The following SACM1L variants were observed in gnomAD, a reference collection of about 807,000 sequenced individuals.
SACM1L encodes the protein SAC1 like phosphatidylinositide phosphatase, also known as phosphatidylinositol-3-phosphatase SAC1.
A neutral mutation model predicts 89.5 loss-of-function variants in SACM1L; 32 were observed. The ratio of observed to expected loss-of-function variants is 0.36; its 90% CI spans 0.27 to 0.48. The LOEUF is 0.48. SACM1L is among the 20% of genes least tolerant of loss of function. SACM1L has a pLI of 0.99. For synonymous variants in SACM1L, 213 were observed against 232.8 expected (o/e 0.92, Z 0.77); for missense variants, 543 against 708.5 (o/e 0.77, Z 2.65).
intron 7 of SACM1L, among the ~76,000 whole-genome samples, chr3:45,716,251 A>T (rs1698657193): frequency 6.6e-6 from 1 of 152,054 alleles, no homozygotes; most frequent in African/African-American, 2.4e-5. Flanking sequence ...AAGCAGGAGG[A>T]TCCTTTGAGG....
At chr3:45,731,460 T>A in intron 12 of SACM1L, 80 bp downstream of exon 12, 1 of 814,248 alleles carries the variant, frequency 1.2e-6, no homozygotes, top group Non-Finnish European at 1.9e-6. Context: ...TAGAGCTCAC[T>A]AGACATATGT....
At chr3:45,740,251 G>A (rs2125707520) in intron 19 of SACM1L, among the ~76,000 whole-genome samples, 1 of 152,300 alleles carries the variant, frequency 6.6e-6, no homozygotes, top group African/African-American at 2.4e-5. Flanking sequence ...AGTAGATAAA[G>A]AAGTCAGATC....
chr3:45,703,597 T>A, intron 2 of SACM1L, 62 bp downstream of exon 2: 2 of 1,107,862 alleles, frequency 1.8e-6, no homozygotes, highest in Non-Finnish European at 2.7e-6. Context: ...TTACAGTAAT[T>A]AAAAAACATC....
intron 1 of SACM1L, among the ~76,000 whole-genome samples, chr3:45,691,138 T>C (rs1190650027): frequency 6.6e-6 from 1 of 152,196 alleles, no homozygotes; most frequent in Non-Finnish European, 1.5e-5. Flanking sequence ...TTTGTATTGA[T>C]TTTTGTGAGA....
chr3:45,698,725 A>AT (rs1193485759), intron 1 of SACM1L, among the ~76,000 whole-genome samples: 3 of 151,308 alleles, frequency 2.0e-5, no homozygotes, highest in African/African-American at 7.3e-5. Flanking sequence ...TAATTTTTGT[A>AT]TTTTTAGTAG....
intron 7 of SACM1L, 35 bp from the exon 8 acceptor site, chr3:45,719,465 C>G: frequency 8.3e-7 from 1 of 1,198,466 alleles, no homozygotes. Context: ...CTTATGATTT[C>G]TATTATATGT....
At chr3:45,705,003 G>T in intron 2 of SACM1L, 132 bp from the exon 3 acceptor site, 2 of 596,782 alleles carry the variant, frequency 3.4e-6, no homozygotes, top group East Asian at 2.9e-5. Context: ...TTTAAGTTAA[G>T]GAATGTTGCT....
At position 45,735,358 on chromosome 3, in the gene SACM1L, T is replaced by C; in HGVS notation, c.1224T>C (p.Leu408=). Reference sequence around the variant, plus strand: ...AGAGTTTGTTAGCTCGTCGTTCACTTCAGGCCCAACTTCAGGTGCGAATGC... The same window carrying C: ...AGAGTTTGTTAGCTCGTCGTTCACTCCAGGCCCAACTTCAGGTGCGAATGC... ...VIQSLLARRS[L]QAQLQRLGVL... The change falls in exon 14 of 20, where the codon CTT becomes CTC. Residue 408 remains leucine (L), a synonymous_variant. Coordinates refer to ENST00000389061, the MANE Select transcript of SACM1L (RefSeq NM_014016.5). 6.5e-7 allele frequency: 1 copy of C among 1,542,552 alleles called. No individual in the cohort carries two copies. The highest frequency in any genetic ancestry group is 1.2e-5 in the South Asian group (1 of 81,176).
At chr3:45,711,242 C>CT (rs899244810) in intron 5 of SACM1L, among the ~76,000 whole-genome samples, 6 of 151,988 alleles carry the variant, frequency 3.9e-5, no homozygotes, top group African/African-American at 1.5e-4. Context: ...GACAGTGGGC[C>CT]GGGGGGTTCC....
At chr3:45,716,315 A>T (rs1206366314) in intron 7 of SACM1L, among the ~76,000 whole-genome samples, 5 of 152,050 alleles carry the variant, frequency 3.3e-5, no homozygotes, top group Non-Finnish European at 7.4e-5. Flanking sequence ...CTCTACAAAA[A>T]TTTTTTAAAA....
chr3:45,724,298 G>GGTGTGTGTGTGTGTGTGTGTGTGT (rs61075879), intron 11 of SACM1L, among the ~76,000 whole-genome samples: 1 of 139,716 alleles, frequency 7.2e-6, no homozygotes, highest in African/African-American at 2.7e-5. Flanking sequence ...GTTGTTTTCT[G>GGTGTGTGTGTGTGTGTGTGTGTGT]GTGTGTGTGT....
chr3:45,733,482 C>T (rs1699124042), intron 13 of SACM1L, among the ~76,000 whole-genome samples: 2 of 152,160 alleles, frequency 1.3e-5, no homozygotes, highest in Admixed American at 6.5e-5. Context: ...GGTACGGACA[C>T]ACACACCCTT....
intron 11 of SACM1L, among the ~76,000 whole-genome samples, chr3:45,726,109 G>C (rs1440285338): frequency 6.6e-6 from 1 of 152,044 alleles, no homozygotes; most frequent in Non-Finnish European, 1.5e-5. Context: ...CTAGTGTTTG[G>C]CTGGGGATTT....
In SACM1L at chr3:45,737,764, T is replaced by G; in HGVS notation, c.1310-8T>G. Reference sequence around the variant, plus strand: ...ATAATTATCAGCTGTTTTTACTTTTTTCTACAGCCTGGGCTGACAACGCAA... The same window carrying G: ...ATAATTATCAGCTGTTTTTACTTTTGTCTACAGCCTGGGCTGACAACGCAA... On this transcript the variant is annotated splice_polypyrimidine_tract_variant and splice_region_variant and intron_variant, in intron 15 of 19. Coordinates refer to ENST00000389061, the MANE Select transcript of SACM1L (RefSeq NM_014016.5). 1.2e-6 allele frequency: 2 copies of G among 1,609,414 alleles called. No individual in the cohort carries two copies. Among genetic ancestry groups the G allele is most frequent in the East Asian group, 2.2e-5 (1 of 44,834 alleles).
intron 1 of SACM1L, among the ~76,000 whole-genome samples, chr3:45,693,697 C>G (rs970343426): frequency 1.1e-4 from 17 of 152,154 alleles, no homozygotes; most frequent in Middle Eastern, 3.2e-3. Flanking sequence ...AGATTGCTCT[C>G]GCATTAGTCC....
chr3:45,690,469 A>T (rs761806242), intron 1 of SACM1L: 4 of 152,232 alleles, frequency 2.6e-5, no homozygotes, highest in Non-Finnish European at 4.4e-5. Context: ...AGGCATAGAT[A>T]CCGCATTTCT....
chr3:45,713,456 T>C (rs772654154), intron 6 of SACM1L: 12 of 263,620 alleles, frequency 4.6e-5, no homozygotes, highest in Admixed American at 2.2e-4. Flanking sequence ...ACAGGGGATC[T>C]TGGTACATGG....
intron 1 of SACM1L, among the ~76,000 whole-genome samples, chr3:45,694,928 G>T (rs914813598): frequency 6.6e-5 from 10 of 152,134 alleles, no homozygotes; most frequent in Non-Finnish European, 1.3e-4. Flanking sequence ...CAGGGAATAG[G>T]ATATAGGTGG....
At chr3:45,727,886 C>T (rs764969477) in intron 11 of SACM1L, among the ~76,000 whole-genome samples, 3 of 152,182 alleles carry the variant, frequency 2.0e-5, no homozygotes, top group Admixed American at 1.3e-4. Flanking sequence ...TGAGCCACTG[C>T]GCCCAGCCTC....
Sources: allele counts gnomAD v4.1 joint callset (sites outside exome capture counted in the v4.1 genomes callset), GRCh38; gene constraint gnomAD v4.1.1; transcripts MANE v1.5; gene names NCBI Gene and HGNC (gene_info 2026-07-23, HGNC 2026-07-21).